The following SLC25A33 variants were observed in gnomAD, a reference collection of about 807,000 sequenced individuals.
SLC25A33 encodes bone marrow stromal cell mitochondrial carrier protein.
SLC25A33 carries 15 observed loss-of-function variants against 35.5 expected under a neutral mutation model. The ratio of observed to expected loss-of-function variants is 0.42; its 90% CI spans 0.28 to 0.65. The LOEUF is 0.65. Ranked by LOEUF, SLC25A33 falls within the 30% of genes least tolerant of loss-of-function variation. The pLI is 0.20. For missense variants in SLC25A33, 257 were observed against 398.5 expected, an observed-to-expected ratio of 0.64 and a Z score of 3.02; for synonymous variants, 136 against 148.7, an observed-to-expected ratio of 0.91 and a Z score of 0.62.
intron 1 of SLC25A33, among the ~76,000 whole-genome samples, chr1:9,553,218 T>TTTTTTTTG (rs1643293379): frequency 7.2e-6 from 1 of 138,498 alleles, no homozygotes; most frequent in African/African-American, 2.8e-5. Flanking sequence ...TTTTTTTTTT[T>TTTTTTTTG]TTTTTTTTTG....
At chr1:9,553,203 GTTTTT>G (rs550067186) in intron 1 of SLC25A33, among the ~76,000 whole-genome samples, 1,696 of 56,502 alleles carry the variant, frequency 0.03, 13 homozygotes, top group African/African-American at 0.079. Context: ...TTCTAGTTTT[GTTTTT>G]TTTTTTTTTT....
At chr1:9,558,231 T>C (rs1373896450) in intron 2 of SLC25A33, among the ~76,000 whole-genome samples, 5 of 152,238 alleles carry the variant, frequency 3.3e-5, no homozygotes, top group Admixed American at 2.6e-4. Flanking sequence ...GCTGAGCCTC[T>C]GCTGCTTCTC....
chr1:9,555,110 C>CA (rs1643320952), intron 2 of SLC25A33, among the ~76,000 whole-genome samples: 2 of 91,178 alleles, frequency 2.2e-5, no homozygotes, highest in African/African-American at 4.5e-5. Context: ...GCATTTAGCA[C>CA]TTTTTTTTTT....
At chr1:9,576,817 G>C (rs1643667309) in intron 5 of SLC25A33, 12 of 1,229,636 alleles carry the variant, frequency 9.8e-6, no homozygotes, top group Non-Finnish European at 1.4e-5. Context: ...TGCTTGTTCA[G>C]TATCTCAAGC....
chr1:9,541,355 T>A (rs974067307), intron 1 of SLC25A33, among the ~76,000 whole-genome samples: 1 of 152,134 alleles, frequency 6.6e-6, no homozygotes, highest in Non-Finnish European at 1.5e-5. Context: ...TTCACCGTGT[T>A]AGCCAGGATG....
Position 9,564,765 on chromosome 1 carries a change from T to TAC in SLC25A33, c.237-2515_237-2514dup, listed in dbSNP as rs57851977. On this transcript the variant is annotated intron_variant, in intron 2 of 6. Transcript: ENST00000302692. ...ATATATATATATATATATATATATA[T>TAC]ACACAAAAATTAGCTGAGCGTGGTG... Among the ~76,000 whole-genome samples the TAC allele has an allele frequency of 1.7e-3, 190 of 114,824 alleles. 5 individuals are homozygous for TAC. The highest frequency in any genetic ancestry group is 4.8e-3 in the Middle Eastern group (1 of 208). 75.3% of individuals were successfully genotyped at this position (114,824 alleles called of 152,430 possible).
At chr1:9,539,773 C>T in intron 1 of SLC25A33, 26 bp downstream of exon 1, 3 of 1,348,370 alleles carry the variant, frequency 2.2e-6, no homozygotes, top group Non-Finnish European at 2.9e-6. Context: ...CAGCCGCGCG[C>T]GCCCCACCGC....
chr1:9,562,284 G>C (rs932353785), intron 2 of SLC25A33, among the ~76,000 whole-genome samples: 1 of 150,750 alleles, frequency 6.6e-6, no homozygotes, highest in East Asian at 1.9e-4. Context: ...GGAGGCGGAG[G>C]CTGCAGTGAG....
intron 1 of SLC25A33, among the ~76,000 whole-genome samples, chr1:9,550,018 T>A (rs1184642614): frequency 0.017 from 1,726 of 102,880 alleles, 121 homozygotes; most frequent in African/African-American, 0.067. Context: ...TATATTTTTT[T>A]TTTTTTTTTT....
chr1:9,568,592 C>T (rs1006260304), intron 3 of SLC25A33, among the ~76,000 whole-genome samples: 8 of 150,342 alleles, frequency 5.3e-5, no homozygotes, highest in Admixed American at 1.3e-4. Flanking sequence ...TGGCTCACGC[C>T]TGTAATCCCA....
chr1:9,567,504 A>G, intron 3 of SLC25A33, 143 bp downstream of exon 3: 1 of 656,160 alleles, frequency 1.5e-6, no homozygotes, highest in Non-Finnish European at 2.6e-6. Context: ...GCAAATAGTC[A>G]TTGAGAATGC....
chr1:9,567,336 A>C lies in SLC25A33; in HGVS notation c.289A>C (p.Asn97His). 1 of 1,614,004 alleles carries C rather than the reference A, an allele frequency of 6.2e-7. No homozygotes were observed. The highest frequency in any genetic ancestry group is 2.2e-5 in the East Asian group (1 of 44,868). The change falls in exon 3 of 7, where the codon AAT becomes CAT. Residue 97 changes from asparagine to histidine, a missense_variant. Physicochemically the swap from Asn to His is moderately conservative, Grantham distance 68. Coordinates refer to ENST00000302692, the MANE Select transcript of SLC25A33 (RefSeq NM_032315.3). ...GTCACTTTTTAGAGGCTTGGGTCCAAATTTGGTTGGAGTTGCACCATCAAG... is the reference window on the plus strand; with the variant it reads ...GTCACTTTTTAGAGGCTTGGGTCCACATTTGGTTGGAGTTGCACCATCAAG... ...PKSLFRGLGP[N>H]LVGVAPSRAV...
At chr1:9,561,251 GT>G (rs1437658752) in intron 2 of SLC25A33, among the ~76,000 whole-genome samples, 2 of 151,990 alleles carry the variant, frequency 1.3e-5, no homozygotes, top group East Asian at 3.9e-4. Flanking sequence ...CCCTCTTTTT[GT>G]TTTTTCAAGT....
intron 2 of SLC25A33, among the ~76,000 whole-genome samples, chr1:9,556,669 GTGTGTC>G (rs892707758): frequency 6.6e-6 from 1 of 151,600 alleles, no homozygotes; most frequent in Non-Finnish European, 1.5e-5. Flanking sequence ...GAGATTGTGT[GTGTGTC>G]TGTGTCTGTG....
At chr1:9,550,476 T>C (rs1182832105) in intron 1 of SLC25A33, among the ~76,000 whole-genome samples, 1 of 152,130 alleles carries the variant, frequency 6.6e-6, no homozygotes, top group Admixed American at 6.6e-5. Flanking sequence ...TCTTTTTCAA[T>C]GATTTGGAGT....
chr1:9,570,322 A>G lies in SLC25A33; in HGVS notation c.379A>G (p.Ser127Gly). The change falls in exon 4 of 7, where the codon AGC (serine) becomes GGC (glycine). Residue 127 changes from serine to glycine, a missense_variant. By Grantham distance (56) the Ser-to-Gly change is moderately conservative. Transcript: ENST00000302692. ...ATTTAATGGCATTTTCGTGCCTAACAGCAATATTGTGCATATTTTCTCAGC... is the reference window on the plus strand; with the variant it reads ...ATTTAATGGCATTTTCGTGCCTAACGGCAATATTGTGCATATTTTCTCAGC... ...EQFNGIFVPN[S>G]NIVHIFSAGS... is the part of the protein sequence containing the mutation. 1 of 1,614,112 alleles carries G rather than the reference A, an allele frequency of 6.2e-7. No individual in the cohort carries two copies. The highest frequency in any genetic ancestry group is 8.5e-7 in the Non-Finnish European group (1 of 1,180,008).
intron 3 of SLC25A33, among the ~76,000 whole-genome samples, chr1:9,568,658 T>C (rs1643544564): frequency 6.6e-6 from 1 of 150,940 alleles, no homozygotes; most frequent in Non-Finnish European, 1.5e-5. Flanking sequence ...GAGACCATCC[T>C]GGCTAACGCG....
intron 2 of SLC25A33, among the ~76,000 whole-genome samples, chr1:9,556,547 T>C (rs1643343963): frequency 1.3e-5 from 2 of 152,160 alleles, no homozygotes; most frequent in Admixed American, 1.3e-4. Context: ...TACAAAATGC[T>C]CCAATGGGCA....
At chr1:9,547,626 G>C (rs1209072494) in intron 1 of SLC25A33, among the ~76,000 whole-genome samples, 1 of 151,954 alleles carries the variant, frequency 6.6e-6, no homozygotes, top group Admixed American at 6.6e-5. Flanking sequence ...GTCTGTGAGG[G>C]ATGGGCTGTC....
Sources: gnomAD v4.1 joint callset for allele counts (sites outside exome capture counted in the v4.1 genomes callset) on GRCh38, gnomAD v4.1.1 for gene constraint, MANE v1.5 for transcripts, NCBI Gene and HGNC (gene_info 2026-07-23, HGNC 2026-07-21) for gene names.